GRID2: variants seen among roughly 807,000 people sequenced by gnomAD.
The protein encoded by GRID2 is glutamate receptor ionotropic, delta-2.
GRID2 carries 33 observed loss-of-function variants against 114.8 expected under a neutral mutation model. That is an observed-to-expected ratio of 0.29 (90% CI 0.22 to 0.38). The LOEUF is 0.38. Among genes scored for constraint, GRID2 ranks in the 10% least tolerant of loss-of-function variants. The pLI, the probability that GRID2 is intolerant of heterozygous loss-of-function variation, is 1.00. For synonymous variants in GRID2, 505 were observed against 449.9 expected, an observed-to-expected ratio of 1.12 and a Z score of -1.55; for missense variants, 1,184 against 1,257.7, an observed-to-expected ratio of 0.94 and a Z score of 0.89.
At chr4:92,843,499 TG>T (rs749142767) in intron 2 of GRID2, among the ~76,000 whole-genome samples, 24 of 152,110 alleles carry the variant, frequency 1.6e-4, no homozygotes, top group Non-Finnish European at 2.9e-4. Flanking sequence ...TTACTTAAAA[TG>T]GTAATATTAA....
intron 2 of GRID2, among the ~76,000 whole-genome samples, chr4:92,737,530 A>G (rs905590446): frequency 1.1e-4 from 16 of 152,116 alleles, no homozygotes; most frequent in African/African-American, 3.6e-4. Context: ...GTTCTCCTTC[A>G]TAAGTCCTTA....
chr4:92,581,925 C>A (rs920575206), intron 1 of GRID2, among the ~76,000 whole-genome samples: 3 of 152,058 alleles, frequency 2.0e-5, no homozygotes, highest in African/African-American at 7.2e-5. Flanking sequence ...ATAACTAATA[C>A]CCTCTGTGAT....
intron 8 of GRID2, among the ~76,000 whole-genome samples, chr4:93,284,802 TTTATTA>T (rs1472887868): frequency 5.9e-5 from 6 of 101,626 alleles, no homozygotes; most frequent in Admixed American, 2.7e-4. Flanking sequence ...AAGAACATAT[TTTATTA>T]TATTTCGGTA....
intron 14 of GRID2, among the ~76,000 whole-genome samples, chr4:93,629,376 G>C (rs1743039459): frequency 6.6e-6 from 1 of 152,166 alleles, no homozygotes; most frequent in African/African-American, 2.4e-5. Flanking sequence ...GGAGAGCCAG[G>C]AAAGAAGCAG....
chr4:93,750,600 C>G (rs1236871990), intron 14 of GRID2, among the ~76,000 whole-genome samples: 1 of 151,894 alleles, frequency 6.6e-6, no homozygotes, highest in African/African-American at 2.4e-5. Flanking sequence ...ACTAAAAATA[C>G]AAAAAATTAG....
intron 2 of GRID2, among the ~76,000 whole-genome samples, chr4:93,060,320 A>G (rs766437558): frequency 2.1e-4 from 32 of 152,268 alleles, no homozygotes; most frequent in Non-Finnish European, 4.1e-4. Context: ...TGGTAAGGAA[A>G]TATTCTCCTC....
Position 93,313,354 on chromosome 4 carries a change from A to G in GRID2, c.1245+74864A>G, listed in dbSNP as rs185744051. Among the ~76,000 whole-genome samples the G allele has an allele frequency of 5.1e-3, 781 of 152,302 alleles. 2 individuals are homozygous for G. The highest frequency in any genetic ancestry group is 8.5e-3 in the Non-Finnish European group (577 of 68,022). On this transcript the variant is annotated intron_variant, in intron 8 of 15. Coordinates refer to ENST00000282020, the MANE Select transcript of GRID2 (RefSeq NM_001510.4). The stretch of plus-strand genomic sequence containing the variant: ...TGCAGAGGAATGACTTGAAGTAACA[A>G]TCACCATTCCCTCTTCACAGCAGTC...
At chr4:92,339,884 A>G (rs1485378591) in intron 1 of GRID2, among the ~76,000 whole-genome samples, 2 of 152,178 alleles carry the variant, frequency 1.3e-5, no homozygotes, top group African/African-American at 4.8e-5. Context: ...ATGCATAAAC[A>G]CTGAAATTGC....
chr4:92,360,778 A>G (rs940014629), intron 1 of GRID2, among the ~76,000 whole-genome samples: 2 of 150,606 alleles, frequency 1.3e-5, no homozygotes, highest in African/African-American at 5.0e-5. Context: ...CAGGTCTTTC[A>G]GAGCCCATAT....
At chr4:92,890,221 CA>C (rs773602607) in intron 2 of GRID2, among the ~76,000 whole-genome samples, 14 of 152,110 alleles carry the variant, frequency 9.2e-5, no homozygotes, top group Admixed American at 5.2e-4. Context: ...GATTTCATGA[CA>C]AAAACATCTG....
At chr4:92,851,386 T>A (rs1335581081) in intron 2 of GRID2, among the ~76,000 whole-genome samples, 2 of 151,958 alleles carry the variant, frequency 1.3e-5, no homozygotes, top group Admixed American at 6.6e-5. Context: ...ATACAGCTCA[T>A]TCAAAATGCA....
At chr4:93,327,837 G>T (rs1758005679) in intron 8 of GRID2, among the ~76,000 whole-genome samples, 1 of 151,894 alleles carries the variant, frequency 6.6e-6, no homozygotes, top group Non-Finnish European at 1.5e-5. Context: ...CTTTACTACT[G>T]CACAATATAT....
intron 3 of GRID2, among the ~76,000 whole-genome samples, chr4:93,101,120 T>C (rs1006150457): frequency 3.9e-5 from 6 of 152,034 alleles, no homozygotes; most frequent in Admixed American, 2.6e-4. Flanking sequence ...AACAGATTTA[T>C]TTGTTTATGT....
intron 14 of GRID2, among the ~76,000 whole-genome samples, chr4:93,721,332 G>A (rs1729358495): frequency 6.6e-6 from 1 of 152,150 alleles, no homozygotes; most frequent in Non-Finnish European, 1.5e-5. Flanking sequence ...TAAAATTGAA[G>A]ACATTCTTAG....
At chr4:93,224,272 A>C (rs566969640) in intron 6 of GRID2, among the ~76,000 whole-genome samples, 1 of 152,316 alleles carries the variant, frequency 6.6e-6, no homozygotes, top group African/African-American at 2.4e-5. Context: ...TCCAATCTTA[A>C]ACCCTTAGAT....
At chr4:93,321,492 T>G (rs572763635) in intron 8 of GRID2, among the ~76,000 whole-genome samples, 2 of 152,148 alleles carry the variant, frequency 1.3e-5, no homozygotes, top group Middle Eastern at 3.4e-3. Context: ...GTACAATCGT[T>G]GATAAGTAGA....
chr4:93,499,416 A>G (rs925711347), intron 12 of GRID2, among the ~76,000 whole-genome samples: 12 of 151,962 alleles, frequency 7.9e-5, no homozygotes, highest in African/African-American at 2.7e-4. Context: ...CAACTCCATT[A>G]GCAAAGCATA....
At chr4:92,674,272 A>C (rs1733219822) in intron 2 of GRID2, among the ~76,000 whole-genome samples, 1 of 152,038 alleles carries the variant, frequency 6.6e-6, no homozygotes, top group South Asian at 2.1e-4. Context: ...AGCATGTATG[A>C]CTGCTTTATT....
chr4:92,566,341 A>G (rs1401429658), intron 1 of GRID2, among the ~76,000 whole-genome samples: 1 of 151,944 alleles, frequency 6.6e-6, no homozygotes, highest in Non-Finnish European at 1.5e-5. Context: ...CATAGCACGT[A>G]ACTATCTAAT....
Sources: gnomAD v4.1 joint callset for allele counts (sites outside exome capture counted in the v4.1 genomes callset) on GRCh38, gnomAD v4.1.1 for gene constraint, MANE v1.5 for transcripts, NCBI Gene and HGNC (gene_info 2026-07-23, HGNC 2026-07-21) for gene names.